OSBPL1A: variants seen among roughly 807,000 people sequenced by gnomAD.
OSBPL1A encodes oxysterol binding protein like 1A.
OSBPL1A carries 80 observed loss-of-function variants against 137.1 expected under a neutral mutation model. The observed-to-expected ratio is 0.58, with a 90% CI of 0.49 to 0.70. The LOEUF (loss-of-function observed/expected upper bound fraction) is 0.70, where lower values mean the gene tolerates loss of function less well. OSBPL1A is among the 30% of genes least tolerant of loss of function. The probability of loss-of-function intolerance (pLI) is 0.00; values close to 1 mark genes in which losing one functional copy is unlikely to be tolerated. For synonymous variants in OSBPL1A, 365 were observed against 389.7 expected, an observed-to-expected ratio of 0.94 and a Z score of 0.75; for missense variants, 970 against 1,129.4, an observed-to-expected ratio of 0.86 and a Z score of 2.02.
intron 1 of OSBPL1A, among the ~76,000 whole-genome samples, chr18:24,378,364 T>TA (rs1369770668): frequency 5.3e-5 from 8 of 152,246 alleles, no homozygotes; most frequent in African/African-American, 1.9e-4. Flanking sequence ...CAACCTTTCA[T>TA]ACATTACAGG....
At chr18:24,221,236 C>A (rs1225241816) in intron 17 of OSBPL1A, among the ~76,000 whole-genome samples, 1 of 152,136 alleles carries the variant, frequency 6.6e-6, no homozygotes, top group Non-Finnish European at 1.5e-5. Flanking sequence ...TCTTTGTTTA[C>A]CTTCAATTCG....
intron 15 of OSBPL1A, among the ~76,000 whole-genome samples, chr18:24,249,003 G>A (rs769727489): frequency 6.6e-6 from 1 of 152,182 alleles, no homozygotes; most frequent in African/African-American, 2.4e-5. Context: ...TCACTCCCAC[G>A]GTATGCTACC....
intron 14 of OSBPL1A, among the ~76,000 whole-genome samples, chr18:24,285,628 G>T (rs75801349): frequency 2.3e-3 from 355 of 152,148 alleles, no homozygotes; most frequent in Non-Finnish European, 4.0e-3. Context: ...TACCCTTCTG[G>T]TAATGGTGCT....
rs1181695468 is a variant in OSBPL1A at position 24,271,087 on chromosome 18, A to C, written c.1281+9755T>G. Among the ~76,000 whole-genome samples the C allele has an allele frequency of 1.3e-5, 2 of 152,124 alleles. No individual in the cohort carries two copies. Among genetic ancestry groups the C allele is most frequent in the Non-Finnish European group, 2.9e-5 (2 of 68,002 alleles). On this transcript the variant is annotated intron_variant, in intron 15 of 27. Coordinates refer to ENST00000319481, the MANE Select transcript of OSBPL1A (RefSeq NM_080597.4). The surrounding 1 kb of genome is among the most constrained non-coding windows in gnomAD (Gnocchi z 4.0). ...TCAAAAATCCTTAATCAAAACATTA[A>C]AGTTAAAAGCCACCTCCCCATTCCC...
chr18:24,358,316 C>A, intron 4 of OSBPL1A: 3 of 606,834 alleles, frequency 4.9e-6, no homozygotes, highest in South Asian at 4.0e-5. Flanking sequence ...CCAACAGGGA[C>A]AACTTTGAAG....
intron 16 of OSBPL1A, among the ~76,000 whole-genome samples, chr18:24,237,297 T>A (rs8085538): frequency 6.6e-6 from 1 of 152,186 alleles, no homozygotes; most frequent in Admixed American, 6.5e-5. Flanking sequence ...TTAAATAAAA[T>A]TTTTTAAAGG....
At chr18:24,323,683 A>C (rs1599667334) in intron 7 of OSBPL1A, among the ~76,000 whole-genome samples, 1 of 22,650 alleles carries the variant, frequency 4.4e-5, no homozygotes. Flanking sequence ...ATATCTCCCA[A>C]TGCTATCCCT....
At chr18:24,274,071 T>C (rs2089788569) in intron 15 of OSBPL1A, among the ~76,000 whole-genome samples, 1 of 151,926 alleles carries the variant, frequency 6.6e-6, no homozygotes, top group African/African-American at 2.4e-5. Flanking sequence ...CCGTTTCTAC[T>C]AAAAATACAA....
chr18:24,396,494 G>C (rs1289183181), intron 1 of OSBPL1A, among the ~76,000 whole-genome samples: 1 of 152,184 alleles, frequency 6.6e-6, no homozygotes, highest in Admixed American at 6.5e-5. Flanking sequence ...TGCTGGAGAA[G>C]AGTTACACTG....
At chr18:24,260,837 C>CAAAAAAAAAA (rs71373370) in intron 15 of OSBPL1A, among the ~76,000 whole-genome samples, 4 of 120,458 alleles carry the variant, frequency 3.3e-5, no homozygotes, top group Admixed American at 9.2e-5. Context: ...TAAAAGAACT[C>CAAAAAAAAAA]AAAAAAAAAA....
rs35343209 is a variant in OSBPL1A at position 24,164,420 on chromosome 18, G to GTTT, written c.2750+642_2750+644dup. On this transcript the variant is annotated intron_variant, in intron 27 of 27. Coordinates refer to ENST00000319481, the MANE Select transcript of OSBPL1A (RefSeq NM_080597.4). The stretch of plus-strand genomic sequence containing the variant: ...ATGGAAAACAGTATGGAGATTTTTG[G>GTTT]TTTTTTTTTTTTTTTTTTTTTTTTT... Among the ~76,000 whole-genome samples, 143 of 95,960 alleles carry GTTT rather than the reference G, an allele frequency of 1.5e-3. 5 individuals are homozygous for GTTT. Among genetic ancestry groups the GTTT allele is most frequent in the African/African-American group, 5.8e-3 (123 of 21,344 alleles). 63.0% of individuals were successfully genotyped at this position (95,960 alleles called of 152,430 possible).
intron 4 of OSBPL1A, among the ~76,000 whole-genome samples, chr18:24,360,465 CTT>C (rs1363200601): frequency 1.3e-5 from 2 of 152,178 alleles, no homozygotes; most frequent in Non-Finnish European, 2.9e-5. Context: ...AAACCAAACT[CTT>C]TGCACAATTC....
chr18:24,276,452 TG>T (rs1241120826), intron 15 of OSBPL1A, among the ~76,000 whole-genome samples: 2 of 152,192 alleles, frequency 1.3e-5, no homozygotes, highest in Non-Finnish European at 2.9e-5. Context: ...GTTTGTTTTT[TG>T]TTTTTTTGAG....
At chr18:24,181,308 T>C in intron 18 of OSBPL1A, 29 bp from the exon 19 acceptor site, 2 of 1,610,954 alleles carry the variant, frequency 1.2e-6, no homozygotes, top group Non-Finnish European at 1.7e-6. Flanking sequence ...GAAAGTGTTA[T>C]GTCCCATATA....
chr18:24,376,676 G>C (rs575295933), intron 2 of OSBPL1A, among the ~76,000 whole-genome samples: 17 of 152,372 alleles, frequency 1.1e-4, no homozygotes, highest in Non-Finnish European at 1.0e-4. Context: ...GCCCATGGAG[G>C]GGGTGGGAGG....
At chr18:24,276,089 A>G (rs1599603182) in intron 15 of OSBPL1A, among the ~76,000 whole-genome samples, 1 of 152,130 alleles carries the variant, frequency 6.6e-6, no homozygotes, top group Non-Finnish European at 1.5e-5. Flanking sequence ...AACATGAAAT[A>G]TGTATAAAAC....
chr18:24,308,992 A>G (rs1829165815), intron 13 of OSBPL1A, among the ~76,000 whole-genome samples: 1 of 152,044 alleles, frequency 6.6e-6, no homozygotes, highest in Non-Finnish European at 1.5e-5. Context: ...GCTGTTCTCA[A>G]ACTCCTGACC....
rs183679822 is a variant in OSBPL1A, at chr18:24,292,829, G to A, written c.1174+10808C>T. 4.1e-4 allele frequency among the ~76,000 whole-genome samples: 63 copies of A among 152,224 alleles called. No homozygotes were observed. In the Middle Eastern group the frequency reaches 0.01, roughly 25 times the overall value. On this transcript the variant is annotated intron_variant, in intron 14 of 27. Coordinates refer to ENST00000319481, the MANE Select transcript of OSBPL1A (RefSeq NM_080597.4). ...CCTGCTCAAAGGTAACTGAGGTCTG[G>A]GCACAGTGGCTCACGCCTGTAATCC...
intron 17 of OSBPL1A, among the ~76,000 whole-genome samples, chr18:24,207,109 C>T (rs1423029156): frequency 6.6e-6 from 1 of 152,118 alleles, no homozygotes; most frequent in Non-Finnish European, 1.5e-5. Context: ...AATCATTTTC[C>T]GTCTTGCTCT....
Sources: allele counts gnomAD v4.1 joint callset (sites outside exome capture counted in the v4.1 genomes callset), GRCh38; gene constraint gnomAD v4.1.1; non-coding constraint Gnocchi (gnomAD v3.1); transcripts MANE v1.5; gene names NCBI Gene and HGNC (gene_info 2026-07-23, HGNC 2026-07-21).